The following TRPM3 variants were observed in gnomAD, a reference collection of about 807,000 sequenced individuals.
The protein encoded by TRPM3 is transient receptor potential cation channel subfamily M member 3.
A neutral mutation model predicts 181.2 loss-of-function variants in TRPM3; 77 were observed. The observed-to-expected ratio is 0.42, with a 90% CI of 0.35 to 0.51. The LOEUF (loss-of-function observed/expected upper bound fraction) is 0.51, where lower values mean the gene tolerates loss of function less well. Ranked by LOEUF, TRPM3 falls within the 20% of genes least tolerant of loss-of-function variation. The pLI is 0.01. For synonymous variants in TRPM3, 745 were observed against 796.4 expected, an observed-to-expected ratio of 0.94 and a Z score of 1.09; for missense variants, 1,759 against 2,196.7, an observed-to-expected ratio of 0.80 and a Z score of 3.98.
At chr9:70,650,767 CT>C (rs1366220217) in intron 9 of TRPM3, among the ~76,000 whole-genome samples, 1 of 152,036 alleles carries the variant, frequency 6.6e-6, no homozygotes, top group Non-Finnish European at 1.5e-5. Flanking sequence ...TATATTTGAT[CT>C]TGCAACATTT....
At chr9:71,172,147 C>T (rs1052437046) in intron 1 of TRPM3, among the ~76,000 whole-genome samples, 3 of 151,970 alleles carry the variant, frequency 2.0e-5, no homozygotes, top group Non-Finnish European at 2.9e-5. Context: ...GCAATCCTCC[C>T]GCTTCAGCCT....
chr9:71,205,707 A>G (rs2079082298), intron 1 of TRPM3, among the ~76,000 whole-genome samples: 1 of 152,224 alleles, frequency 6.6e-6, no homozygotes, highest in South Asian at 2.1e-4. Context: ...TCAGCTCAAG[A>G]AGTAATTACT....
intron 11 of TRPM3, among the ~76,000 whole-genome samples, chr9:70,635,932 G>A (rs2057112380): frequency 6.6e-6 from 1 of 152,142 alleles, no homozygotes; most frequent in Admixed American, 6.5e-5. Flanking sequence ...GCTGGGATGA[G>A]GGTGGGAGAA....
At chr9:70,683,229 A>AT (rs1191089093) in intron 8 of TRPM3, among the ~76,000 whole-genome samples, 12 of 151,562 alleles carry the variant, frequency 7.9e-5, no homozygotes, top group Non-Finnish European at 1.2e-4. Flanking sequence ...ACTGAAAACA[A>AT]TTTTTTTTGA....
intron 22 of TRPM3, among the ~76,000 whole-genome samples, chr9:70,555,367 G>A (rs1355284420): frequency 6.6e-6 from 1 of 152,150 alleles, no homozygotes; most frequent in Non-Finnish European, 1.5e-5. Flanking sequence ...TGTCACCATT[G>A]CCAGTTTATT....
chr9:70,633,828 T>G (rs983971763), intron 12 of TRPM3, among the ~76,000 whole-genome samples: 6 of 152,200 alleles, frequency 3.9e-5, no homozygotes, highest in African/African-American at 7.2e-5. Context: ...TCTGAATATG[T>G]CCTGTGGACT....
chr9:70,944,367 T>A (rs1490609810), intron 1 of TRPM3, among the ~76,000 whole-genome samples: 1 of 152,200 alleles, frequency 6.6e-6, no homozygotes, highest in African/African-American at 2.4e-5. Flanking sequence ...GTTTTCTGTA[T>A]TCTGAGTGGG....
In TRPM3 at chr9:70,657,037, C is replaced by T. The variant is rs780765280; in HGVS notation, c.1346-16377G>A. Among the ~76,000 whole-genome samples the T allele has an allele frequency of 6.6e-5, 10 of 150,708 alleles. 1 individual carries two copies. Among genetic ancestry groups the T allele is most frequent in the South Asian group, 2.1e-4 (1 of 4,790 alleles). On this transcript the variant is annotated intron_variant, in intron 9 of 25. Transcript: ENST00000677713. Reference sequence around the variant, plus strand: ...TGACTGGTTGTTTAAGAAAGAGGGACGTTCAGGACAAACCAGGAAGTCCAA... The same window carrying T: ...TGACTGGTTGTTTAAGAAAGAGGGATGTTCAGGACAAACCAGGAAGTCCAA...
At chr9:71,057,297 G>A (rs538239353) in intron 1 of TRPM3, among the ~76,000 whole-genome samples, 2 of 152,020 alleles carry the variant, frequency 1.3e-5, no homozygotes, top group African/African-American at 4.8e-5. Context: ...CTATTTTTTT[G>A]TAGCCCTAGC....
chr9:71,233,709 A>G (rs959856262), intron 1 of TRPM3, among the ~76,000 whole-genome samples: 12 of 152,226 alleles, frequency 7.9e-5, no homozygotes, highest in African/African-American at 2.7e-4. Flanking sequence ...AGGTGTTATT[A>G]TTAGCATTAG....
At chr9:71,167,718 T>TA (rs368017444) in intron 1 of TRPM3, among the ~76,000 whole-genome samples, 2 of 151,998 alleles carry the variant, frequency 1.3e-5, no homozygotes, top group Non-Finnish European at 2.9e-5. Flanking sequence ...AGCTCTTTTT[T>TA]AAAAAAAAGT....
intron 25 of TRPM3, among the ~76,000 whole-genome samples, chr9:70,540,699 G>C (rs903281690): frequency 1.5e-4 from 23 of 152,148 alleles, no homozygotes; most frequent in South Asian, 2.1e-4. Context: ...GGGAGATCCT[G>C]CCTCCTGTTA....
At chr9:71,068,251 C>A (rs1424171499) in intron 1 of TRPM3, among the ~76,000 whole-genome samples, 1 of 152,226 alleles carries the variant, frequency 6.6e-6, no homozygotes, top group South Asian at 2.1e-4. Flanking sequence ...CACATACTTT[C>A]AATTCTTGGT....
intron 1 of TRPM3, among the ~76,000 whole-genome samples, chr9:70,886,734 A>C (rs1219119952): frequency 6.6e-6 from 1 of 151,678 alleles, no homozygotes; most frequent in African/African-American, 2.4e-5. Context: ...GCACAATCTC[A>C]GCTCACTGCA....
chr9:70,687,469 T>C (rs2067270891), intron 8 of TRPM3, among the ~76,000 whole-genome samples: 1 of 152,216 alleles, frequency 6.6e-6, no homozygotes, highest in Non-Finnish European at 1.5e-5. Context: ...TGCAACTGGG[T>C]AGTTGATCTT....
At chr9:70,926,221 T>C (rs2096720105) in intron 1 of TRPM3, among the ~76,000 whole-genome samples, 1 of 152,118 alleles carries the variant, frequency 6.6e-6, no homozygotes, top group African/African-American at 2.4e-5. Context: ...GAATAAATTA[T>C]AAATCTGAGC....
At chr9:70,749,202 C>A (rs186393559) in intron 8 of TRPM3, among the ~76,000 whole-genome samples, 1 of 152,252 alleles carries the variant, frequency 6.6e-6, no homozygotes, top group Non-Finnish European at 1.5e-5. Flanking sequence ...GGTTTATTTT[C>A]ATTCTTGTGT....
intron 7 of TRPM3, among the ~76,000 whole-genome samples, chr9:70,766,495 T>C (rs1324704840): frequency 6.6e-6 from 1 of 151,270 alleles, no homozygotes; most frequent in Non-Finnish European, 1.5e-5. Context: ...GAGAAAATTT[T>C]AGCTATATAA....
intron 1 of TRPM3, among the ~76,000 whole-genome samples, chr9:70,898,314 G>C (rs2096316908): frequency 6.6e-6 from 1 of 151,138 alleles, no homozygotes; most frequent in South Asian, 2.1e-4. Flanking sequence ...AGTAGAGATG[G>C]GGTTTCACCG....
Sources: gnomAD v4.1 joint callset for allele counts (sites outside exome capture counted in the v4.1 genomes callset) on GRCh38, gnomAD v4.1.1 for gene constraint, MANE v1.5 for transcripts, NCBI Gene and HGNC (gene_info 2026-07-23, HGNC 2026-07-21) for gene names.